Variants in NPAS3 observed in about 807,000 individuals in gnomAD.
NPAS3 encodes the protein neuronal PAS domain-containing protein 3.
Under a neutral mutation model 73.1 loss-of-function variants are expected in NPAS3, and 14 were observed. The observed-to-expected ratio is 0.19, with a 90% CI of 0.13 to 0.30. The LOEUF is 0.30. Among genes scored for constraint, NPAS3 ranks in the 10% least tolerant of loss-of-function variants. The pLI, the probability that NPAS3 is intolerant of heterozygous loss-of-function variation, is 1.00. For synonymous variants in NPAS3, 620 were observed against 541.5 expected, an observed-to-expected ratio of 1.14 and a Z score of -2.01; for missense variants, 1,096 against 1,250.0, an observed-to-expected ratio of 0.88 and a Z score of 1.86.
intron 2 of NPAS3, among the ~76,000 whole-genome samples, chr14:33,057,187 G>A (rs932559619): frequency 1.3e-5 from 2 of 152,294 alleles, no homozygotes; most frequent in African/African-American, 4.8e-5. Flanking sequence ...CTGTATCACT[G>A]TATCTTTACT....
intron 5 of NPAS3, among the ~76,000 whole-genome samples, chr14:33,659,976 C>T (rs1460122424): frequency 2.6e-5 from 4 of 152,114 alleles, no homozygotes; most frequent in African/African-American, 9.6e-5. Context: ...CACCCCAGCG[C>T]CCCCCAGGAC....
chr14:33,466,871 CA>C (rs1367443840), intron 4 of NPAS3, among the ~76,000 whole-genome samples: 4 of 152,170 alleles, frequency 2.6e-5, no homozygotes, highest in Admixed American at 1.3e-4. Flanking sequence ...CTACAGGCCC[CA>C]CCTCCGACAC....
chr14:33,406,019 T>G (rs2047650269), intron 4 of NPAS3, among the ~76,000 whole-genome samples: 1 of 152,138 alleles, frequency 6.6e-6, no homozygotes, highest in African/African-American at 2.4e-5. Context: ...GTCTGCCTAT[T>G]GCAATACACT....
At chr14:33,696,168 A>G (rs2060373191) in intron 6 of NPAS3, among the ~76,000 whole-genome samples, 1 of 152,112 alleles carries the variant, frequency 6.6e-6, no homozygotes, top group Non-Finnish European at 1.5e-5. Context: ...TCTATTCCTA[A>G]TGTTATCTAA....
At chr14:33,005,033 A>G (rs2038952550) in intron 1 of NPAS3, among the ~76,000 whole-genome samples, 1 of 151,944 alleles carries the variant, frequency 6.6e-6, no homozygotes, top group South Asian at 2.1e-4. Context: ...CTCCTGAAGA[A>G]TCTGCCTGAG....
Position 33,800,297 on chromosome 14 carries a change from A to G in NPAS3, c.1990A>G (p.Ile664Val). Residue 664 changes from isoleucine (I) to valine (V), a missense_variant, in exon 12 of 12, where the codon ATC becomes GTC. Coordinates refer to ENST00000356141, the Ensembl canonical transcript of NPAS3. The surrounding 1 kb of genome is among the most constrained non-coding windows in gnomAD (Gnocchi z 6.5). The stretch of plus-strand genomic sequence containing the variant: ...CATCAATTTCGACAATGACAGCAGC[A>G]TCTGGAACTACCCGCCCAACCGGGA... 6.2e-7 allele frequency: 1 copy of G among 1,613,436 alleles called. No homozygotes were observed. The highest frequency in any genetic ancestry group is 8.5e-7 in the Non-Finnish European group (1 of 1,179,650).
In NPAS3 at chr14:33,219,214, G is replaced by C. The variant is rs117708348; in HGVS notation, c.385+3788G>C. Among the ~76,000 whole-genome samples, 1,394 of 152,172 alleles carry C rather than the reference G, an allele frequency of 9.2e-3. 12 individuals are homozygous for C. The highest frequency in any genetic ancestry group is 0.014 in the Admixed American group (211 of 15,278). On this transcript the variant is annotated intron_variant, in intron 3 of 11. Coordinates refer to ENST00000356141, the Ensembl canonical transcript of NPAS3. Reference sequence around the variant, plus strand: ...CATTCATAGTAATCTCTATTTAGAGGCTATCTAGAAACCATTATATCTTTT... The same window carrying C: ...CATTCATAGTAATCTCTATTTAGAGCCTATCTAGAAACCATTATATCTTTT...
At chr14:33,207,068 C>G (rs529922207) in intron 2 of NPAS3, among the ~76,000 whole-genome samples, 1 of 152,152 alleles carries the variant, frequency 6.6e-6, no homozygotes, top group Non-Finnish European at 1.5e-5. Context: ...TCTAAACTTG[C>G]GACCTGAAGA....
At chr14:33,077,107 G>A (rs1288762437) in intron 2 of NPAS3, among the ~76,000 whole-genome samples, 4 of 152,112 alleles carry the variant, frequency 2.6e-5, no homozygotes, top group Non-Finnish European at 5.9e-5. Context: ...GTCCTGTGGA[G>A]GTAGCAGGCA....
At chr14:33,435,253 G>A (rs1281632996) in intron 4 of NPAS3, among the ~76,000 whole-genome samples, 1 of 152,138 alleles carries the variant, frequency 6.6e-6, no homozygotes, top group Non-Finnish European at 1.5e-5. Context: ...GCAAAACCTG[G>A]TCAAATAAGA....
chr14:33,239,708 T>G (rs966049126), intron 3 of NPAS3, among the ~76,000 whole-genome samples: 1 of 151,900 alleles, frequency 6.6e-6, no homozygotes, highest in African/African-American at 2.4e-5. Flanking sequence ...ACATTATAGC[T>G]GCATTTGCCT....
intron 6 of NPAS3, among the ~76,000 whole-genome samples, chr14:33,694,375 TTAAA>T (rs541079390): frequency 1.9e-4 from 29 of 152,274 alleles, no homozygotes; most frequent in Middle Eastern, 6.8e-3. Flanking sequence ...TCAATCTTAA[TTAAA>T]TGACAGCCAA....
chr14:33,197,267 G>GTGTGTGTGTGTGTGTGTGTGTTTGTT (rs1555353807), intron 2 of NPAS3, among the ~76,000 whole-genome samples: 1 of 148,722 alleles, frequency 6.7e-6, no homozygotes, highest in Non-Finnish European at 1.5e-5. Context: ...GTGTGTGTGT[G>GTGTGTGTGTGTGTGTGTGTGTTTGTT]TTCTTTTTCA....
intron 1 of NPAS3, among the ~76,000 whole-genome samples, chr14:33,024,741 A>G (rs2039740848): frequency 6.6e-6 from 1 of 152,232 alleles, no homozygotes; most frequent in African/African-American, 2.4e-5. Flanking sequence ...AAATGTTCAC[A>G]TAGGCTAATT....
chr14:33,110,497 T>C (rs2138958281), intron 2 of NPAS3, among the ~76,000 whole-genome samples: 1 of 152,334 alleles, frequency 6.6e-6, no homozygotes, highest in East Asian at 1.9e-4. Flanking sequence ...TGTGATACGC[T>C]GTTTTACTAA....
At chr14:33,691,282 T>C (rs1314535809) in intron 6 of NPAS3, among the ~76,000 whole-genome samples, 3 of 152,198 alleles carry the variant, frequency 2.0e-5, no homozygotes, top group African/African-American at 7.2e-5. Flanking sequence ...GAGGTACAGT[T>C]TATAAGAATA....
At chr14:33,308,279 C>T (rs1241018371) in intron 3 of NPAS3, among the ~76,000 whole-genome samples, 1 of 151,944 alleles carries the variant, frequency 6.6e-6, no homozygotes, top group East Asian at 1.9e-4. Context: ...AACTTCATAC[C>T]TTGGGTTTAC....
At chr14:33,784,741 A>ATTTATTTATTTATTTATT (rs1555333492) in intron 9 of NPAS3, among the ~76,000 whole-genome samples, 7 of 72,774 alleles carry the variant, frequency 9.6e-5, no homozygotes, top group Admixed American at 1.4e-4. Flanking sequence ...TTATTTATTT[A>ATTTATTTATTTATTTATT]TTTATTTTTT....
chr14:33,506,554 C>T (rs2052771527), intron 4 of NPAS3, among the ~76,000 whole-genome samples: 1 of 152,044 alleles, frequency 6.6e-6, no homozygotes, highest in Non-Finnish European at 1.5e-5. Flanking sequence ...TACAACATCA[C>T]AGTCTGACAT....
Sources: gnomAD v4.1 joint callset for allele counts (sites outside exome capture counted in the v4.1 genomes callset) on GRCh38, gnomAD v4.1.1 for gene constraint, Gnocchi (gnomAD v3.1) non-coding constraint, MANE v1.5 for transcripts, NCBI Gene and HGNC (gene_info 2026-07-23, HGNC 2026-07-21) for gene names.